The following MCC variants were observed in gnomAD, a reference collection of about 807,000 sequenced individuals.
The protein encoded by MCC is MCC regulator of Wnt signaling pathway.
Under a neutral mutation model 116.2 loss-of-function variants are expected in MCC, and 90 were observed. That is an observed-to-expected ratio of 0.77 (90% CI 0.65 to 0.92). The LOEUF (loss-of-function observed/expected upper bound fraction) is 0.92. MCC is among the 40% of genes least tolerant of loss of function. The pLI, the probability that MCC is intolerant of heterozygous loss-of-function variation, is 0.00. For synonymous variants in MCC, 578 were observed against 510.5 expected, an observed-to-expected ratio of 1.13 and a Z score of -1.78; for missense variants, 1,516 against 1,312.2, an observed-to-expected ratio of 1.16 and a Z score of -2.40.
chr5:113,481,370 A>T (rs1772373144), intron 1 of MCC, among the ~76,000 whole-genome samples: 3 of 152,320 alleles, frequency 2.0e-5, no homozygotes, highest in African/African-American at 7.2e-5. Context: ...AAAAGAAATA[A>T]TTAGAAACAA....
intron 1 of MCC, chr5:113,428,686 G>A (rs1476363061): frequency 6.6e-6 from 1 of 151,988 alleles, no homozygotes; most frequent in East Asian, 1.9e-4. Context: ...TAATCCTAGG[G>A]AACCCGACTT....
chr5:113,275,157 G>GA (rs1412405398), intron 3 of MCC, among the ~76,000 whole-genome samples: 1 of 151,926 alleles, frequency 6.6e-6, no homozygotes, highest in African/African-American at 2.4e-5. Flanking sequence ...CTCCTTAAAG[G>GA]AAAAAACAAA....
chr5:113,105,772 A>G (rs1222486681), intron 6 of MCC, among the ~76,000 whole-genome samples: 1 of 152,218 alleles, frequency 6.6e-6, no homozygotes, highest in African/African-American at 2.4e-5. Flanking sequence ...CGCGGTCACC[A>G]AAGTGGGCCT....
chr5:113,465,053 A>G (rs1393247184), intron 1 of MCC, among the ~76,000 whole-genome samples: 1 of 152,126 alleles, frequency 6.6e-6, no homozygotes, highest in African/African-American at 2.4e-5. Context: ...ATGGAATTTT[A>G]AAGTCCTTTT....
At chr5:113,068,315 C>A (rs1753769216) in intron 12 of MCC, 132 bp from the exon 13 acceptor site, 1 of 654,318 alleles carries the variant, frequency 1.5e-6, no homozygotes, top group South Asian at 1.8e-5. Context: ...AGGAAACCAC[C>A]CATGAATATT....
Position 113,488,396 on chromosome 5 carries a change from C to A in MCC, c.19G>T (p.Ala7Ser). Residue 7 changes from alanine to serine, a missense_variant, in exon 1 of 19, where the codon GCA becomes TCA. Coordinates refer to ENST00000408903, the MANE Select transcript of MCC (RefSeq NM_001085377.2). The part of the protein sequence containing the change: MMAAAA[A>S]AAAGSSSSGG... ...CTGCTGGAGCTCCCCGCAGCCGCTG[C>A]CGCCGCGGCCGCCATCATGCGCCCG... 1 of 1,398,286 alleles carries A rather than the reference C, an allele frequency of 7.2e-7. No individual in the cohort carries two copies. The highest frequency in any genetic ancestry group is 9.2e-7 in the Non-Finnish European group (1 of 1,087,854). The allele number at this position is 1,398,286 out of a possible 1,614,324, so 86.6% of individuals were successfully genotyped here.
intron 1 of MCC, chr5:113,433,876 C>T (rs1362892313): frequency 1.8e-5 from 29 of 1,613,842 alleles, no homozygotes; most frequent in African/African-American, 4.0e-5. Context: ...TCAGGCTGTG[C>T]CTGGGGCTGT....
intron 3 of MCC, among the ~76,000 whole-genome samples, chr5:113,213,626 C>T (rs546350413): frequency 8.5e-5 from 13 of 152,228 alleles, no homozygotes; most frequent in Middle Eastern, 3.4e-3. Context: ...CGTCAAAGCA[C>T]GCGGGTAAGA....
intron 5 of MCC, among the ~76,000 whole-genome samples, chr5:113,125,947 GA>G (rs918037044): frequency 6.6e-6 from 1 of 152,078 alleles, no homozygotes; most frequent in Non-Finnish European, 1.5e-5. Context: ...TAAAAACATG[GA>G]AAAAAAGTGT....
intron 4 of MCC, among the ~76,000 whole-genome samples, chr5:113,147,815 C>T (rs1028698363): frequency 6.6e-6 from 1 of 152,074 alleles, no homozygotes; most frequent in Non-Finnish European, 1.5e-5. Flanking sequence ...TGGAATGAGG[C>T]GACCCTAACA....
chr5:113,051,723 CAAAACAACAAACAAACAAA>C (rs1415878554), intron 15 of MCC, among the ~76,000 whole-genome samples: 3 of 127,190 alleles, frequency 2.4e-5, no homozygotes, highest in Non-Finnish European at 5.4e-5. Flanking sequence ...GACCCTGTTT[CAAAACAACAAACAAACAAA>C]CAAACAACAA....
chr5:113,346,631 AAC>A (rs144947970), intron 2 of MCC, among the ~76,000 whole-genome samples: 36,752 of 141,768 alleles, frequency 0.26, 5,169 homozygotes, highest in Non-Finnish European at 0.33. Flanking sequence ...CAACAACAAC[AAC>A]AAAAAAAACA....
At chr5:113,438,896 C>A (rs764842253) in intron 1 of MCC, among the ~76,000 whole-genome samples, 1 of 151,944 alleles carries the variant, frequency 6.6e-6, no homozygotes, top group African/African-American at 2.4e-5. Context: ...CAGTAAATTG[C>A]CTAAGCTTAT....
In MCC at chr5:113,434,514, T is replaced by C. The variant is rs368990432; in HGVS notation, c.171-49302A>G. ...GAACTTCTTGCGAGCTTCGTCCTCA[T>C]GCAGGGCTCCCCGGGTTTTGATTAA... On this transcript the variant is annotated intron_variant, in intron 1 of 18. Transcript: ENST00000408903. The surrounding 1 kb of genome is among the most constrained non-coding windows in gnomAD (Gnocchi z 4.2). 1.2e-6 allele frequency: 2 copies of C among 1,612,898 alleles called. No individual in the cohort carries two copies. Among genetic ancestry groups the C allele is most frequent in the Non-Finnish European group, 8.5e-7 (1 of 1,179,062 alleles).
intron 3 of MCC, among the ~76,000 whole-genome samples, chr5:113,278,043 G>C (rs934364228): frequency 6.6e-6 from 1 of 152,068 alleles, no homozygotes; most frequent in African/African-American, 2.4e-5. Context: ...CAGAAACCTG[G>C]GTATTATTCC....
At chr5:113,061,288 G>A (rs1002984169) in intron 14 of MCC, among the ~76,000 whole-genome samples, 1 of 152,210 alleles carries the variant, frequency 6.6e-6, no homozygotes, top group African/African-American at 2.4e-5. Context: ...GTACAGACTT[G>A]CTGTGGCCGA....
intron 1 of MCC, among the ~76,000 whole-genome samples, chr5:113,386,707 C>T (rs1427909014): frequency 2.0e-5 from 3 of 149,202 alleles, no homozygotes; most frequent in Non-Finnish European, 4.4e-5. Context: ...CACATAGCTA[C>T]ATGTTTTATC....
At chr5:113,139,879 A>G (rs937466415) in intron 5 of MCC, among the ~76,000 whole-genome samples, 5 of 152,184 alleles carry the variant, frequency 3.3e-5, no homozygotes, top group Non-Finnish European at 5.9e-5. Context: ...GCACCACCAT[A>G]CAAAGACACC....
chr5:113,249,617 C>T (rs1445611849), intron 3 of MCC, among the ~76,000 whole-genome samples: 5 of 152,132 alleles, frequency 3.3e-5, no homozygotes, highest in Non-Finnish European at 7.3e-5. Flanking sequence ...GCTCACCCCC[C>T]AAAAATAAGC....
Sources: gnomAD v4.1 joint callset for allele counts (sites outside exome capture counted in the v4.1 genomes callset) on GRCh38, gnomAD v4.1.1 for gene constraint, Gnocchi (gnomAD v3.1) non-coding constraint, MANE v1.5 for transcripts, NCBI Gene and HGNC (gene_info 2026-07-23, HGNC 2026-07-21) for gene names.